Variants in CDIN1 observed in about 807,000 individuals in gnomAD.
CDIN1 encodes the protein CDAN1 interacting nuclease 1.
CDIN1 carries 33 observed loss-of-function variants against 45.3 expected under a neutral mutation model. The observed-to-expected ratio is 0.73, with a 90% CI of 0.55 to 0.97. The LOEUF (loss-of-function observed/expected upper bound fraction) is 0.97. Ranked by LOEUF, CDIN1 falls within the 50% of genes least tolerant of loss-of-function variation. CDIN1 has a pLI of 0.00. For synonymous variants in CDIN1, 118 were observed against 124.4 expected, an observed-to-expected ratio of 0.95 and a Z score of 0.34; for missense variants, 303 against 339.4, an observed-to-expected ratio of 0.89 and a Z score of 0.84.
chr15:36,752,907 T>C (rs573567134), intron 10 of CDIN1, among the ~76,000 whole-genome samples: 1 of 152,316 alleles, frequency 6.6e-6, no homozygotes, highest in African/African-American at 2.4e-5. Flanking sequence ...GGTCTGTCAA[T>C]TGTGAGATTG....
At chr15:36,682,837 C>T (rs1226868553) in intron 5 of CDIN1, among the ~76,000 whole-genome samples, 1 of 151,242 alleles carries the variant, frequency 6.6e-6, no homozygotes, top group Non-Finnish European at 1.5e-5. Flanking sequence ...CCCCATCGCC[C>T]AGTCAAGTTG....
At chr15:36,646,498 G>A (rs368036798) in intron 3 of CDIN1, among the ~76,000 whole-genome samples, 1 of 49,834 alleles carries the variant, frequency 2.0e-5, no homozygotes, top group Non-Finnish European at 4.6e-5. Context: ...TGTAAAGTTT[G>A]ATGATTTATT....
At chr15:36,602,634 T>C (rs936586246) in intron 1 of CDIN1, among the ~76,000 whole-genome samples, 1 of 152,164 alleles carries the variant, frequency 6.6e-6, no homozygotes, top group African/African-American at 2.4e-5. Flanking sequence ...GACTGTGAAG[T>C]TGGTTTTCTT....
chr15:36,602,333 A>G (rs947714698), intron 1 of CDIN1, among the ~76,000 whole-genome samples: 5 of 152,188 alleles, frequency 3.3e-5, no homozygotes, highest in South Asian at 2.1e-4. Flanking sequence ...AATGAATACT[A>G]TTTCCTACTG....
At chr15:36,692,306 T>C in intron 7 of CDIN1, 131 bp downstream of exon 7, 1 of 817,658 alleles carries the variant, frequency 1.2e-6, no homozygotes, top group Non-Finnish European at 1.9e-6. Context: ...TTACATTCAA[T>C]CAACTGGAGG....
intron 10 of CDIN1, among the ~76,000 whole-genome samples, chr15:36,745,500 G>A (rs2044388126): frequency 6.6e-6 from 1 of 152,046 alleles, no homozygotes; most frequent in African/African-American, 2.4e-5. Flanking sequence ...TGACAAGTCT[G>A]TTGAACTTTC....
intron 5 of CDIN1, among the ~76,000 whole-genome samples, chr15:36,661,232 G>C (rs2040998802): frequency 6.6e-6 from 1 of 152,144 alleles, no homozygotes; most frequent in African/African-American, 2.4e-5. Flanking sequence ...TTTTAGACTA[G>C]CATTGCAGGT....
chr15:36,740,772 C>A (rs918003363), intron 10 of CDIN1, among the ~76,000 whole-genome samples: 21 of 151,888 alleles, frequency 1.4e-4, no homozygotes, highest in African/African-American at 4.8e-4. Context: ...GCCTGTAATC[C>A]CGGTTATTCT....
At chr15:36,777,434 A>G (rs1485861918) in intron 10 of CDIN1, among the ~76,000 whole-genome samples, 2 of 146,498 alleles carry the variant, frequency 1.4e-5, no homozygotes. Context: ...TCCATTGTCC[A>G]TTCCCTCCCT....
At chr15:36,690,322 G>A (rs894071245) in intron 5 of CDIN1, among the ~76,000 whole-genome samples, 1 of 151,010 alleles carries the variant, frequency 6.6e-6, no homozygotes, top group Non-Finnish European at 1.5e-5. Flanking sequence ...AGGCTGGAGT[G>A]CAGTGGCTCG....
intron 1 of CDIN1, among the ~76,000 whole-genome samples, chr15:36,603,672 A>G (rs2038218829): frequency 6.6e-6 from 1 of 151,780 alleles, no homozygotes; most frequent in Non-Finnish European, 1.5e-5. Flanking sequence ...TATCATTGAA[A>G]CTCATGCTTT....
At chr15:36,679,664 A>T (rs754292315) in intron 5 of CDIN1, among the ~76,000 whole-genome samples, 10 of 152,202 alleles carry the variant, frequency 6.6e-5, no homozygotes, top group Non-Finnish European at 1.2e-4. Context: ...TGGTCCTGTT[A>T]TATGACTTTC....
At position 36,643,425 on chromosome 15, in the gene CDIN1, A is replaced by C. The variant is rs570936661; in HGVS notation, c.102-853A>C. ...CATACTATAAAAGTCGAATTATCTA[A>C]AATGTAATCTAGTCAGATAGCATTT... On this transcript the variant is annotated intron_variant, in intron 1 of 10. Transcript: ENST00000566621. 5.3e-5 allele frequency among the ~76,000 whole-genome samples: 8 copies of C among 152,356 alleles called. No individual in the cohort carries two copies. The South Asian group carries it at 1.5e-3, about 28-fold the overall frequency.
intron 10 of CDIN1, among the ~76,000 whole-genome samples, chr15:36,714,351 A>G (rs984010282): frequency 6.6e-6 from 1 of 152,198 alleles, no homozygotes; most frequent in African/African-American, 2.4e-5. Context: ...CCAAAACTTC[A>G]GACAGTTCTC....
At chr15:36,721,038 G>A (rs1212713230) in intron 10 of CDIN1, among the ~76,000 whole-genome samples, 1 of 152,122 alleles carries the variant, frequency 6.6e-6, no homozygotes, top group Non-Finnish European at 1.5e-5. Context: ...GTGATGATGA[G>A]CATTTTTTCA....
chr15:36,721,496 G>A (rs924290495), intron 10 of CDIN1, among the ~76,000 whole-genome samples: 5 of 152,070 alleles, frequency 3.3e-5, no homozygotes, highest in African/African-American at 1.2e-4. Context: ...ATATCTTTCT[G>A]TTTGGTTTCT....
chr15:36,659,843 A>C (rs183452558), intron 5 of CDIN1, among the ~76,000 whole-genome samples: 1 of 152,230 alleles, frequency 6.6e-6, no homozygotes, highest in East Asian at 1.9e-4. Flanking sequence ...TTATCATTTC[A>C]AAAAGTGACA....
chr15:36,789,163 A>G (rs2054582593), intron 10 of CDIN1, among the ~76,000 whole-genome samples: 1 of 152,194 alleles, frequency 6.6e-6, no homozygotes, highest in Non-Finnish European at 1.5e-5. Context: ...TGGGTTGGAC[A>G]AGCTTGCTCT....
chr15:36,593,276 C>G (rs746459036), intron 1 of CDIN1, among the ~76,000 whole-genome samples: 2 of 152,146 alleles, frequency 1.3e-5, no homozygotes, highest in Non-Finnish European at 2.9e-5. Context: ...CTACTTTTCT[C>G]AAATGCAACC....
Sources: gnomAD v4.1 joint callset for allele counts (sites outside exome capture counted in the v4.1 genomes callset) on GRCh38, gnomAD v4.1.1 for gene constraint, MANE v1.5 for transcripts, NCBI Gene and HGNC (gene_info 2026-07-23, HGNC 2026-07-21) for gene names.